UBR4: variants seen among roughly 807,000 people sequenced by gnomAD.
UBR4 encodes the protein E3 ubiquitin-protein ligase UBR4.
In UBR4, 124 loss-of-function variants were observed where a neutral mutation model predicts 575.6. The ratio of observed to expected loss-of-function variants is 0.22; its 90% confidence interval spans 0.19 to 0.25. The LOEUF (loss-of-function observed/expected upper bound fraction) is 0.25, where lower values mean the gene tolerates loss of function less well. Among genes scored for constraint, UBR4 ranks in the 10% least tolerant of loss-of-function variants. UBR4 has a pLI of 1.00. For synonymous variants in UBR4, 2,455 were observed against 2,473.7 expected, an observed-to-expected ratio of 0.99 and a Z score of 0.22; for missense variants, 4,818 against 6,478.8, an observed-to-expected ratio of 0.74 and a Z score of 8.80.
chr1:19,077,346 C>T (rs754469302), intron 104 of UBR4, among the ~76,000 whole-genome samples: 22 of 152,188 alleles, frequency 1.4e-4, no homozygotes, highest in Non-Finnish European at 8.8e-5. Context: ...CCCAATAGCA[C>T]GGCAAGAGCA....
In UBR4 at chr1:19,187,318, C is replaced by G; in HGVS notation, c.1495-17G>C. ...CTCCCAACCCTGAAGGCAATGATAT[C>G]AAAGGGCAATTAATGATACTACTCA... is the stretch of plus-strand genomic sequence containing the variant. On this transcript the variant is annotated splice_polypyrimidine_tract_variant and intron_variant, in intron 12 of 105. Transcript: ENST00000375254. The G allele has an allele frequency of 6.2e-7, 1 of 1,611,294 alleles. No homozygotes were observed. Among genetic ancestry groups the G allele is most frequent in the Non-Finnish European group, 8.5e-7 (1 of 1,177,982 alleles).
In UBR4 at chr1:19,124,544, G is replaced by A. The variant is rs1442210008; in HGVS notation, c.9585C>T (p.Ser3195=). The change falls in exon 65 of 106, where the codon TCC becomes TCT. Residue 3195 remains serine, a synonymous_variant. Coordinates refer to ENST00000375254, the MANE Select transcript of UBR4 (RefSeq NM_020765.3). ...VFDHSWFYFL[S]EYLMIQQTPF... ...GCAGCTTGGGACTTTCACTTACCTCGGAGAGAAAGTAAAACCACGAGTGGT... is the reference window on the plus strand; with the variant it reads ...GCAGCTTGGGACTTTCACTTACCTCAGAGAGAAAGTAAAACCACGAGTGGT... The A allele has an allele frequency of 9.3e-6, 15 of 1,614,092 alleles. No homozygotes were observed. The highest frequency in any genetic ancestry group is 4.5e-5 in the East Asian group (2 of 44,874).
chr1:19,095,161 C>A, intron 93 of UBR4, 136 bp from the exon 94 acceptor site: 1 of 1,293,812 alleles, frequency 7.7e-7, no homozygotes, highest in South Asian at 1.3e-5. Flanking sequence ...TATGTATGTG[C>A]GTGTATATGC....
intron 101 of UBR4, among the ~76,000 whole-genome samples, chr1:19,085,097 G>T (rs1378563521): frequency 6.6e-6 from 1 of 152,210 alleles, no homozygotes; most frequent in East Asian, 1.9e-4. Flanking sequence ...AAATAAAAGG[G>T]TTTTTTGTTT....
chr1:19,104,850 T>G, intron 85 of UBR4, 184 bp from the exon 86 acceptor site: 1 of 1,113,554 alleles, frequency 9.0e-7, no homozygotes, highest in Non-Finnish European at 1.3e-6. Context: ...GCTTAAAAAC[T>G]GTAAACAGTC....
intron 49 of UBR4, chr1:19,149,813 G>GAAA: frequency 7.1e-6 from 7 of 986,112 alleles, no homozygotes; most frequent in Admixed American, 3.7e-5. Flanking sequence ...GAGAAGCAAA[G>GAAA]AAAAAAAAAA....
intron 39 of UBR4, among the ~76,000 whole-genome samples, 166 bp from the exon 40 acceptor site, chr1:19,158,163 T>C (rs956127702): frequency 6.6e-6 from 1 of 152,214 alleles, no homozygotes; most frequent in Non-Finnish European, 1.5e-5. Flanking sequence ...AAAGTTATTA[T>C]CAATCCATTA....
chr1:19,189,545 C>T (rs759141339), intron 11 of UBR4, among the ~76,000 whole-genome samples: 1 of 152,028 alleles, frequency 6.6e-6, no homozygotes, highest in Non-Finnish European at 1.5e-5. Context: ...TACACTGATC[C>T]CATTTTTGTA....
chr1:19,185,769 A>G (rs1557958193), intron 14 of UBR4, among the ~76,000 whole-genome samples: 1 of 151,780 alleles, frequency 6.6e-6, no homozygotes, highest in African/African-American at 2.4e-5. Context: ...ATGGGGTTTC[A>G]CCATATTGGC....
At position 19,076,768 on chromosome 1, in the gene UBR4, C is replaced by A. The variant is rs779569086; in HGVS notation, c.15459G>T (p.Glu5153Asp). Residue 5153 changes from glutamate (E) to aspartate (D), a missense_variant, in exon 105 of 106, where the codon GAG becomes GAT. Physicochemically the swap from Glu to Asp is conservative, Grantham distance 45. Transcript: ENST00000375254. Reference protein sequence around the residue: ...KTFQEEFMPVETFSEFLDVAG... With the variant: ...KTFQEEFMPVDTFSEFLDVAG... ...CCACATCGAGGAACTCTGAGAAGGT[C>A]TCCACTGGCATGAACTCCTCCTGGA... The A allele has an allele frequency of 4.3e-6, 7 of 1,614,048 alleles. No individual in the cohort carries two copies. The highest frequency in any genetic ancestry group is 4.0e-5 in the African/African-American group (3 of 74,904).
At chr1:19,198,182 G>A in intron 5 of UBR4, 133 bp from the exon 6 acceptor site, 2 of 875,820 alleles carry the variant, frequency 2.3e-6, no homozygotes, top group South Asian at 1.8e-5. Flanking sequence ...ACTCATGTTG[G>A]AGAAAATACA....
chr1:19,163,978 C>T, intron 33 of UBR4, 151 bp from the exon 34 acceptor site: 1 of 862,624 alleles, frequency 1.2e-6, no homozygotes. Context: ...TATATAGTTA[C>T]ATAGCTTGGG....
intron 43 of UBR4, 125 bp downstream of exon 43, chr1:19,155,316 A>G: frequency 8.8e-7 from 1 of 1,138,562 alleles, no homozygotes; most frequent in Non-Finnish European, 1.2e-6. Context: ...ACAAAGAAAA[A>G]GAAAAAAAGA....
At position 19,074,604 on chromosome 1, in the gene UBR4, C is replaced by T; in HGVS notation, c.*228G>A. The T allele has an allele frequency of 5.1e-6, 3 of 586,338 alleles. No homozygotes were observed. The highest frequency in any genetic ancestry group is 9.2e-6 in the Non-Finnish European group (3 of 327,668). 36.3% of individuals were successfully genotyped at this position (586,338 alleles called of 1,614,324 possible). On this transcript the variant is annotated 3_prime_UTR_variant, in exon 106 of 106. Coordinates refer to ENST00000375254, the MANE Select transcript of UBR4 (RefSeq NM_020765.3). Reference sequence around the variant, plus strand: ...ACAACTCATGGCTCCTAGGTATGTACAGGCCCTTTGATGGCTTGGGTTACA... The same window carrying T: ...ACAACTCATGGCTCCTAGGTATGTATAGGCCCTTTGATGGCTTGGGTTACA...
At chr1:19,104,395 G>A in intron 86 of UBR4, 138 bp from the exon 87 acceptor site, 1 of 1,241,526 alleles carries the variant, frequency 8.1e-7, no homozygotes, top group African/African-American at 1.5e-5. Flanking sequence ...TGTTCAACAA[G>A]CGGAAACAGT....
chr1:19,151,491 A>C, intron 48 of UBR4, 152 bp downstream of exon 48: 1 of 800,132 alleles, frequency 1.2e-6, no homozygotes. Flanking sequence ...TGCCTCTTTA[A>C]TACATCAAAT....
intron 60 of UBR4, among the ~76,000 whole-genome samples, chr1:19,132,605 T>TAAAAAAAAAAAAAAAAAAAAAAAAA: frequency 4.1e-5 from 1 of 24,134 alleles, no homozygotes; most frequent in Non-Finnish European, 7.6e-5. Context: ...TAAAAAATGG[T>TAAAAAAAAAAAAAAAAAAAAAAAAA]AAAAAAAAAA....
chr1:19,197,093 T>C (rs1233927076), intron 8 of UBR4, 48 bp downstream of exon 8: 9 of 1,599,288 alleles, frequency 5.6e-6, no homozygotes, highest in South Asian at 4.5e-5. Context: ...CCTGAAAGTA[T>C]ATCTCTGCTT....
chr1:19,158,454 T>C (rs1264762264), intron 39 of UBR4, among the ~76,000 whole-genome samples: 1 of 149,814 alleles, frequency 6.7e-6, no homozygotes, highest in Non-Finnish European at 1.5e-5. Context: ...CGTGACTCAT[T>C]TTTTTTTTTG....
Sources: allele counts gnomAD v4.1 joint callset (sites outside exome capture counted in the v4.1 genomes callset), GRCh38; gene constraint gnomAD v4.1.1; transcripts MANE v1.5; gene names NCBI Gene and HGNC (gene_info 2026-07-23, HGNC 2026-07-21).